FSTL5: variants seen among roughly 807,000 people sequenced by gnomAD.
FSTL5 encodes follistatin-related protein 5.
Under a neutral mutation model 89.1 loss-of-function variants are expected in FSTL5, and 62 were observed. That is an observed-to-expected ratio of 0.70 (90% CI 0.57 to 0.86). FSTL5 has a LOEUF of 0.86. Among genes scored for constraint, FSTL5 ranks in the 40% least tolerant of loss-of-function variants. FSTL5 has a pLI of 0.00. For synonymous variants in FSTL5, 383 were observed against 346.2 expected, an observed-to-expected ratio of 1.11 and a Z score of -1.18; for missense variants, 1,057 against 1,001.6, an observed-to-expected ratio of 1.06 and a Z score of -0.75.
chr4:161,734,131 A>G (rs1285922592), intron 6 of FSTL5, among the ~76,000 whole-genome samples: 3 of 152,160 alleles, frequency 2.0e-5, no homozygotes, highest in Admixed American at 1.3e-4. Flanking sequence ...AAAGCATTTT[A>G]ATAGGAGGGA....
intron 3 of FSTL5, among the ~76,000 whole-genome samples, chr4:161,947,268 A>AT (rs1734763213): frequency 6.6e-6 from 1 of 150,774 alleles, no homozygotes; most frequent in Admixed American, 6.6e-5. Context: ...TCTATCTTTT[A>AT]TTTTTTTATT....
chr4:162,119,818 C>T (rs944857827), intron 1 of FSTL5, among the ~76,000 whole-genome samples: 2 of 152,046 alleles, frequency 1.3e-5, no homozygotes, highest in South Asian at 2.1e-4. Context: ...GTCCCTGTGC[C>T]CCCTTATCCC....
chr4:161,385,978 G>C lies in FSTL5; in HGVS notation c.2313C>G (p.Leu771=). ...TTATCATCTTGACCTTCCCAGAAGA[G>C]AGCTCCACAAAGAGCACATCAGTTT... is the stretch of plus-strand genomic sequence containing the variant. ...STQTDVLFVE[L]SSGKVKMIKS... is the part of the protein sequence containing the mutation. Residue 771 remains leucine (L), a synonymous_variant, in exon 16 of 16, where the codon CTC becomes CTG. Transcript: ENST00000306100. 6.2e-7 allele frequency: 1 copy of C among 1,613,960 alleles called. No homozygotes were observed. The highest frequency in any genetic ancestry group is 1.3e-5 in the African/African-American group (1 of 74,994).
At chr4:162,134,353 T>C (rs937575757) in intron 1 of FSTL5, among the ~76,000 whole-genome samples, 17 of 152,242 alleles carry the variant, frequency 1.1e-4, no homozygotes, top group African/African-American at 3.9e-4. Flanking sequence ...AAATATGTGA[T>C]TTCACTGCCC....
intron 3 of FSTL5, among the ~76,000 whole-genome samples, chr4:161,948,840 T>C (rs1360388701): frequency 6.6e-6 from 1 of 151,620 alleles, no homozygotes; most frequent in Non-Finnish European, 1.5e-5. Flanking sequence ...ACTTCCATTC[T>C]TTCTGACAAG....
intron 3 of FSTL5, among the ~76,000 whole-genome samples, chr4:161,968,938 C>T (rs1374098691): frequency 8.6e-6 from 1 of 116,076 alleles, no homozygotes; most frequent in Non-Finnish European, 1.8e-5. Context: ...CAGACATACA[C>T]ACACACACAC....
chr4:161,678,995 C>G (rs965244234), intron 6 of FSTL5, among the ~76,000 whole-genome samples: 1 of 151,578 alleles, frequency 6.6e-6, no homozygotes, highest in Admixed American at 6.6e-5. Flanking sequence ...TATGTATGTG[C>G]TAGATATATT....
chr4:161,660,257 T>G (rs899645497), intron 6 of FSTL5, among the ~76,000 whole-genome samples: 3 of 152,182 alleles, frequency 2.0e-5, no homozygotes, highest in African/African-American at 7.2e-5. Flanking sequence ...TCTCTATGCT[T>G]TCTCATTTTT....
chr4:161,462,028 C>A (rs1733601316), intron 13 of FSTL5, among the ~76,000 whole-genome samples: 1 of 152,148 alleles, frequency 6.6e-6, no homozygotes, highest in South Asian at 2.1e-4. Context: ...ATGAAAATTT[C>A]CAGTTTGCCA....
At chr4:161,679,123 T>A (rs1255233701) in intron 6 of FSTL5, among the ~76,000 whole-genome samples, 1 of 151,672 alleles carries the variant, frequency 6.6e-6, no homozygotes, top group African/African-American at 2.4e-5. Context: ...TTCAAGATTG[T>A]AAAATTATAA....
intron 4 of FSTL5, among the ~76,000 whole-genome samples, chr4:161,779,791 A>ATATATGTATATATATATG (rs1560840904): frequency 2.7e-4 from 14 of 51,550 alleles, no homozygotes; most frequent in South Asian, 6.9e-4. Context: ...ATATATATAT[A>ATATATGTATATATATATG]TATATATATA....
chr4:161,644,616 G>C (rs1030026542), intron 7 of FSTL5, among the ~76,000 whole-genome samples: 1 of 152,120 alleles, frequency 6.6e-6, no homozygotes, highest in Non-Finnish European at 1.5e-5. Context: ...GTGAACATGG[G>C]AGAATAGTAG....
At chr4:161,562,934 A>T (rs946961705) in intron 8 of FSTL5, among the ~76,000 whole-genome samples, 2 of 152,054 alleles carry the variant, frequency 1.3e-5, no homozygotes, top group Admixed American at 6.6e-5. Context: ...TTCACTTAGC[A>T]TAATGTCCTC....
chr4:162,130,013 A>T (rs1732234533), intron 1 of FSTL5, among the ~76,000 whole-genome samples: 1 of 152,310 alleles, frequency 6.6e-6, no homozygotes, highest in African/African-American at 2.4e-5. Flanking sequence ...ATAGAATTCT[A>T]AAGAGCCTAG....
chr4:161,711,300 C>T (rs1738768046), intron 6 of FSTL5, among the ~76,000 whole-genome samples: 1 of 151,752 alleles, frequency 6.6e-6, no homozygotes, highest in African/African-American at 2.4e-5. Flanking sequence ...AGAGAAAAGG[C>T]TCAAGCTACT....
At chr4:162,043,731 C>A (rs1181607548) in intron 2 of FSTL5, among the ~76,000 whole-genome samples, 1 of 152,324 alleles carries the variant, frequency 6.6e-6, no homozygotes, top group East Asian at 1.9e-4. Flanking sequence ...GCTTTATCAA[C>A]TACGTTTATG....
At chr4:161,758,612 G>A (rs746548115) in intron 6 of FSTL5, among the ~76,000 whole-genome samples, 18 of 152,068 alleles carry the variant, frequency 1.2e-4, no homozygotes, top group Admixed American at 3.3e-4. Flanking sequence ...TCCGCCCCCG[G>A]GTTCAAGTGA....
intron 7 of FSTL5, among the ~76,000 whole-genome samples, chr4:161,636,734 T>C (rs919141187): frequency 8.8e-5 from 13 of 148,468 alleles, no homozygotes; most frequent in Admixed American, 5.4e-4. Context: ...GTTCCTGCAA[T>C]AGTTTACTGA....
intron 8 of FSTL5, among the ~76,000 whole-genome samples, chr4:161,580,168 T>A (rs1408770710): frequency 1.3e-5 from 2 of 152,196 alleles, no homozygotes; most frequent in Non-Finnish European, 2.9e-5. Flanking sequence ...ACAGAGCCTC[T>A]GAAGAACTCT....
Sources: allele counts gnomAD v4.1 joint callset (sites outside exome capture counted in the v4.1 genomes callset), GRCh38; gene constraint gnomAD v4.1.1; transcripts MANE v1.5; gene names NCBI Gene and HGNC (gene_info 2026-07-23, HGNC 2026-07-21).